PTPRT: variants seen among roughly 807,000 people sequenced by gnomAD.
The protein encoded by PTPRT is receptor-type tyrosine-protein phosphatase T.
A neutral mutation model predicts 176.8 loss-of-function variants in PTPRT; 56 were observed. The ratio of observed to expected loss-of-function variants is 0.32; its 90% confidence interval spans 0.26 to 0.40. PTPRT has a LOEUF of 0.40. PTPRT is among the 10% of genes least tolerant of loss of function. The probability of loss-of-function intolerance (pLI) is 1.00; values close to 1 mark genes in which losing one functional copy is unlikely to be tolerated. For missense variants in PTPRT, 1,540 were observed against 1,908.2 expected, an observed-to-expected ratio of 0.81 and a Z score of 3.60; for synonymous variants, 783 against 739.0, an observed-to-expected ratio of 1.06 and a Z score of -0.96.
chr20:42,227,161 A>AGGGAAGAGGAGAGAAG (rs2146816979), intron 15 of PTPRT, among the ~76,000 whole-genome samples: 1 of 152,024 alleles, frequency 6.6e-6, no homozygotes, highest in Admixed American at 6.6e-5. Flanking sequence ...TGTAGATAAA[A>AGGGAAGAGGAGAGAAG]GGGAAGAGGA....
intron 1 of PTPRT, among the ~76,000 whole-genome samples, chr20:42,908,107 A>G (rs74950841): frequency 0.019 from 2,864 of 152,230 alleles, 104 homozygotes; most frequent in African/African-American, 0.065. Flanking sequence ...TAAGGCAGAA[A>G]GAAGCAAAGC....
At chr20:42,766,466 C>A (rs1489739344) in intron 5 of PTPRT, among the ~76,000 whole-genome samples, 1 of 152,180 alleles carries the variant, frequency 6.6e-6, no homozygotes, top group Non-Finnish European at 1.5e-5. Context: ...TCCATTGACT[C>A]TCATGTAGAA....
chr20:42,744,019 C>T (rs1403761546), intron 6 of PTPRT, among the ~76,000 whole-genome samples: 1 of 152,268 alleles, frequency 6.6e-6, no homozygotes, highest in Non-Finnish European at 1.5e-5. Flanking sequence ...GGTGGACCAA[C>T]TGGCTTGGGC....
intron 7 of PTPRT, among the ~76,000 whole-genome samples, chr20:42,579,713 G>C (rs1045722392): frequency 2.6e-5 from 4 of 152,302 alleles, no homozygotes; most frequent in Middle Eastern, 3.4e-3. Context: ...CTTCTTTTAA[G>C]AAGTGTCTGT....
chr20:42,812,612 A>T (rs549305647), intron 2 of PTPRT, among the ~76,000 whole-genome samples: 1 of 152,174 alleles, frequency 6.6e-6, no homozygotes, highest in Non-Finnish European at 1.5e-5. Context: ...ACATTCAGTT[A>T]TTTATTCGCT....
At chr20:43,153,489 G>A (rs1236749667) in intron 1 of PTPRT, among the ~76,000 whole-genome samples, 1 of 152,184 alleles carries the variant, frequency 6.6e-6, no homozygotes, top group Non-Finnish European at 1.5e-5. Context: ...ATGTAAGTGA[G>A]TGTGTTATCT....
rs539108051 is a variant in PTPRT, at chr20:42,508,210, G to A, written c.1154-35648C>T. Reference sequence around the variant, plus strand: ...GCTTTTAGATATGCAAAAAAAAAAAGACTAAGGTAGAATACTCAAAATACT... The same window carrying A: ...GCTTTTAGATATGCAAAAAAAAAAAAACTAAGGTAGAATACTCAAAATACT... On this transcript the variant is annotated intron_variant, in intron 7 of 30. Transcript: ENST00000373187. Among the ~76,000 whole-genome samples, 374 of 146,264 alleles carry A rather than the reference G, an allele frequency of 2.6e-3. 3 individuals carry two copies. Among genetic ancestry groups the A allele is most frequent in the African/African-American group, 9.3e-3 (365 of 39,268 alleles).
At chr20:42,940,711 C>T (rs534482369) in intron 1 of PTPRT, among the ~76,000 whole-genome samples, 3 of 152,304 alleles carry the variant, frequency 2.0e-5, no homozygotes, top group African/African-American at 7.2e-5. Flanking sequence ...CAGAGAGCCA[C>T]AGTATGCTTA....
intron 8 of PTPRT, among the ~76,000 whole-genome samples, chr20:42,464,122 G>C (rs998504428): frequency 6.6e-6 from 1 of 152,280 alleles, no homozygotes; most frequent in East Asian, 1.9e-4. Flanking sequence ...GTCTGAGTTA[G>C]CTTTGAATAT....
intron 6 of PTPRT, among the ~76,000 whole-genome samples, chr20:42,714,038 T>A (rs2076186522): frequency 6.6e-6 from 1 of 152,206 alleles, no homozygotes. Flanking sequence ...AAGAATGGAC[T>A]AAGACAACAC....
intron 18 of PTPRT, among the ~76,000 whole-genome samples, chr20:42,133,885 G>A (rs1284827993): frequency 8.5e-5 from 13 of 152,174 alleles, no homozygotes; most frequent in African/African-American, 2.9e-4. Context: ...CACAGCAGGT[G>A]CTTAATAAAT....
intron 9 of PTPRT, among the ~76,000 whole-genome samples, chr20:42,358,645 C>A (rs894871993): frequency 6.6e-6 from 1 of 152,150 alleles, no homozygotes; most frequent in Non-Finnish European, 1.5e-5. Flanking sequence ...AGAAAAGGCT[C>A]TTGGGCAGGA....
intron 13 of PTPRT, among the ~76,000 whole-genome samples, chr20:42,250,501 T>C (rs2056533426): frequency 6.6e-6 from 1 of 152,190 alleles, no homozygotes; most frequent in Non-Finnish European, 1.5e-5. Context: ...ACCCCCTTTT[T>C]TTTTGCTTAA....
Position 43,048,117 on chromosome 20 carries a change from A to G in PTPRT, c.88+141529T>C, listed in dbSNP as rs576473531. On this transcript the variant is annotated intron_variant, in intron 1 of 30. Coordinates refer to ENST00000373187, the MANE Select transcript of PTPRT (RefSeq NM_007050.6). ...TCTCTGCTCAGCCTGGAAGCAGAGA[A>G]TGCATAAAGATCCACTTCCAGAAGG... is the stretch of plus-strand genomic sequence containing the variant. Among the ~76,000 whole-genome samples, 4 of 152,320 alleles carry G rather than the reference A, an allele frequency of 2.6e-5. No individual in the cohort carries two copies. The East Asian group carries it at 7.7e-4, about 29-fold the overall frequency.
chr20:42,238,634 C>T (rs937812571), intron 14 of PTPRT, among the ~76,000 whole-genome samples: 3 of 152,196 alleles, frequency 2.0e-5, no homozygotes, highest in African/African-American at 7.2e-5. Flanking sequence ...GTCAAGAACA[C>T]TGAGCTGAGA....
chr20:42,067,301 G>A, the PTPRT span, among the ~76,000 whole-genome samples: 16 of 152,126 alleles, frequency 1.1e-4, no homozygotes, highest in Admixed American at 2.6e-4. Flanking sequence ...GGTTTGTATC[G>A]GCATTTAGTG....
intron 7 of PTPRT, among the ~76,000 whole-genome samples, chr20:42,500,893 T>C (rs568120707): frequency 6.6e-6 from 1 of 152,224 alleles, no homozygotes; most frequent in South Asian, 2.1e-4. Context: ...TTTTCCAATG[T>C]CAGACAACCC....
chr20:42,872,135 T>C (rs979945882), intron 2 of PTPRT, among the ~76,000 whole-genome samples: 1 of 152,256 alleles, frequency 6.6e-6, no homozygotes, highest in Non-Finnish European at 1.5e-5. Flanking sequence ...TATTGGCAGA[T>C]TTGAGGAAAG....
In PTPRT at chr20:42,331,614, G is replaced by A. The variant is rs1318090404; in HGVS notation, c.1866-15618C>T. Among the ~76,000 whole-genome samples the A allele has an allele frequency of 2.0e-5, 3 of 152,118 alleles. No individual in the cohort carries two copies. In the East Asian group the frequency reaches 5.8e-4, roughly 29 times the overall value. ...CACCAGTTGAAATATTCTTCTTATGGGAAGACGTAACCTACTGTTGAGGAT... is the reference window on the plus strand; with the variant it reads ...CACCAGTTGAAATATTCTTCTTATGAGAAGACGTAACCTACTGTTGAGGAT... On this transcript the variant is annotated intron_variant, in intron 11 of 30. Transcript: ENST00000373187.
Sources: allele counts gnomAD v4.1 joint callset (sites outside exome capture counted in the v4.1 genomes callset), GRCh38; gene constraint gnomAD v4.1.1; transcripts MANE v1.5; gene names NCBI Gene and HGNC (gene_info 2026-07-23, HGNC 2026-07-21).